The following RNF213 variants were observed in gnomAD, a reference collection of about 807,000 sequenced individuals.
RNF213 encodes E3 ubiquitin-protein ligase RNF213.
RNF213 carries 341 observed loss-of-function variants against 514.4 expected under a neutral mutation model. That is an observed-to-expected ratio of 0.66 (90% CI 0.61 to 0.73). RNF213 has a LOEUF of 0.73. Among genes scored for constraint, RNF213 ranks in the 30% least tolerant of loss-of-function variants. RNF213 has a pLI of 0.00. For synonymous variants in RNF213, 2,655 were observed against 2,658.2 expected (o/e 1.00, Z 0.04); for missense variants, 5,767 against 6,615.6 (o/e 0.87, Z 4.45).
At position 80,377,856 on chromosome 17, in the gene RNF213, G is replaced by A. The variant is rs991630753; in HGVS notation, c.13545+60G>A. On this transcript the variant is annotated intron_variant, in intron 54 of 67. Transcript: ENST00000582970. This position sits in a 1 kb window ranked among gnomAD's most constrained non-coding sequence, Gnocchi z 4.1. ...TGGCGTGCACTCCTGGGTTGGAGGA[G>A]GGGGATCGTGGGTCAGGAGAGTGAG... The A allele has an allele frequency of 8.2e-6, 13 of 1,577,632 alleles. No homozygotes were observed. In the Admixed American group the frequency reaches 8.3e-5, roughly 10 times the overall value.
chr17:80,383,160 T>C, intron 58 of RNF213, 90 bp downstream of exon 58: 2 of 901,178 alleles, frequency 2.2e-6, no homozygotes, highest in Non-Finnish European at 3.7e-6. Flanking sequence ...CTGTTGCCCC[T>C]CGTAGCGGTG....
intron 11 of RNF213, among the ~76,000 whole-genome samples, chr17:80,304,326 C>G (rs2045282219): frequency 6.6e-6 from 1 of 152,090 alleles, no homozygotes; most frequent in Admixed American, 6.6e-5. Flanking sequence ...GCTGTTTGAT[C>G]CTGGACACTC....
chr17:80,290,441 A>G (rs1467833303), intron 6 of RNF213, 129 bp from the exon 7 acceptor site: 34 of 1,093,250 alleles, frequency 3.1e-5, no homozygotes, highest in Middle Eastern at 2.9e-4. Context: ...GCGTGTGTGC[A>G]TGTGTGTGTG....
At chr17:80,297,428 C>G (rs112005182) in intron 10 of RNF213, among the ~76,000 whole-genome samples, 2 of 139,686 alleles carry the variant, frequency 1.4e-5, no homozygotes, top group East Asian at 4.4e-4. Flanking sequence ...CCAGCCTGGG[C>G]GACACAGTGA....
chr17:80,356,740 C>T (rs1302869768), intron 36 of RNF213, among the ~76,000 whole-genome samples: 8 of 152,240 alleles, frequency 5.3e-5, no homozygotes, highest in African/African-American at 9.6e-5. Flanking sequence ...TTTGTGTTCG[C>T]GACACTTTTC....
chr17:80,365,886 C>G (rs2079249993), intron 42 of RNF213, among the ~76,000 whole-genome samples: 1 of 152,216 alleles, frequency 6.6e-6, no homozygotes, highest in African/African-American at 2.4e-5. Context: ...GGAGCTGGCC[C>G]CTGCCTGCTC....
At chr17:80,339,096 G>T in intron 25 of RNF213, 105 bp from the exon 26 acceptor site, 1 of 943,532 alleles carries the variant, frequency 1.1e-6, no homozygotes, top group South Asian at 1.9e-5. Context: ...CAGTGGGCCT[G>T]TGGACAGGGC....
At chr17:80,279,979 C>A (rs983711054) in intron 3 of RNF213, among the ~76,000 whole-genome samples, 1 of 152,238 alleles carries the variant, frequency 6.6e-6, no homozygotes, top group Non-Finnish European at 1.5e-5. Flanking sequence ...GCGCTCCCCC[C>A]AGCCCCTGCC....
Position 80,290,731 on chromosome 17 carries a change from G to C in RNF213, c.1271+3G>C. Reference sequence around the variant, plus strand: ...ATCTGTGAGCTGCACTACACCAGGTGAGCGTGTCTGTAGGCTTGGGAGGAA... The same window carrying C: ...ATCTGTGAGCTGCACTACACCAGGTCAGCGTGTCTGTAGGCTTGGGAGGAA... On this transcript the variant is annotated splice_donor_region_variant and intron_variant, in intron 7 of 67. Coordinates refer to ENST00000582970, the MANE Select transcript of RNF213 (RefSeq NM_001256071.3). 6.2e-7 allele frequency: 1 copy of C among 1,614,178 alleles called. No individual in the cohort carries two copies. Among genetic ancestry groups the C allele is most frequent in the Non-Finnish European group, 8.5e-7 (1 of 1,180,002 alleles).
Position 80,380,981 on chromosome 17 carries a change from T to A in RNF213, c.13791T>A (p.Ser4597Arg), listed in dbSNP as rs1379722568. 6.2e-7 allele frequency: 1 copy of A among 1,614,002 alleles called. No homozygotes were observed. The highest frequency in any genetic ancestry group is 8.5e-7 in the Non-Finnish European group (1 of 1,180,002). The change falls in exon 56 of 68, where the codon AGT becomes AGA. Residue 4597 changes from serine to arginine, a missense_variant. By Grantham distance (110) the Ser-to-Arg change is moderately radical. Transcript: ENST00000582970. ...CTCTGCTTCTGGGAGCGTCCCAGAG[T>A]TCCCAGGTATAACCCAGTGCTGCCA... ...HLALLLGASQ[S>R]SQALINIIKP... is the part of the protein sequence containing the mutation.
intron 11 of RNF213, among the ~76,000 whole-genome samples, chr17:80,301,506 A>G (rs1339755229): frequency 1.3e-5 from 2 of 152,212 alleles, no homozygotes; most frequent in Non-Finnish European, 2.9e-5. Flanking sequence ...TAGTCATCTA[A>G]AAAGAAGACA....
chr17:80,262,329 T>A (rs548770533), intron 1 of RNF213, among the ~76,000 whole-genome samples: 1 of 152,292 alleles, frequency 6.6e-6, no homozygotes, highest in African/African-American at 2.4e-5. Flanking sequence ...AATTGTCCCA[T>A]ACACCTATTG....
chr17:80,384,237 C>A (rs2080139302), intron 59 of RNF213, among the ~76,000 whole-genome samples: 1 of 152,188 alleles, frequency 6.6e-6, no homozygotes, highest in African/African-American at 2.4e-5. Flanking sequence ...GGATGCAGCT[C>A]TTTCCCAGCC....
chr17:80,362,036 G>A, intron 39 of RNF213, 148 bp downstream of exon 39: 1 of 893,380 alleles, frequency 1.1e-6, no homozygotes, highest in Non-Finnish European at 1.8e-6. Flanking sequence ...GCCGGTGGGT[G>A]AAGGGGTCGC....
In RNF213 at chr17:80,261,081, C is replaced by A. The variant is rs577782533; in HGVS notation, c.-109+179C>A. On this transcript the variant is annotated intron_variant, in intron 1 of 67. Transcript: ENST00000582970. Reference sequence around the variant, plus strand: ...CGCCGGGGTGCCCGGTCCAGCCCCGCCCGCGGCGCCCACTGACCCTGTTCC... The same window carrying A: ...CGCCGGGGTGCCCGGTCCAGCCCCGACCGCGGCGCCCACTGACCCTGTTCC... Among the ~76,000 whole-genome samples, 101 of 152,114 alleles carry A rather than the reference C, an allele frequency of 6.6e-4. 2 individuals carry two copies. In the East Asian group the frequency reaches 0.018, roughly 27 times the overall value.
At position 80,393,806 on chromosome 17, in the gene RNF213, T is replaced by C. The variant is rs977451217; in HGVS notation, c.*308T>C. The C allele has an allele frequency of 1.1e-5, 4 of 371,740 alleles. No individual in the cohort carries two copies. Among genetic ancestry groups the C allele is most frequent in the Non-Finnish European group, 1.5e-5 (3 of 193,752 alleles). The allele number at this position is 371,740 out of a possible 1,614,324, so 23.0% of individuals were successfully genotyped here. On this transcript the variant is annotated 3_prime_UTR_variant, in exon 68 of 68. Coordinates refer to ENST00000582970, the MANE Select transcript of RNF213 (RefSeq NM_001256071.3). Reference sequence around the variant, plus strand: ...AACATTGTTTACATTCCAGGAGACTTGTAGCTCAGCCACACACGCAGTAAT... The same window carrying C: ...AACATTGTTTACATTCCAGGAGACTCGTAGCTCAGCCACACACGCAGTAAT...
rs1424527065 is a variant in RNF213 at position 80,347,449 on chromosome 17, G to C, written c.9114G>C (p.Glu3038Asp). 3 of 1,614,064 alleles carry C rather than the reference G, an allele frequency of 1.9e-6. No individual in the cohort carries two copies. In the South Asian group the frequency reaches 3.3e-5, roughly 18 times the overall value. The change falls in exon 29 of 68, where the codon GAG becomes GAC. Residue 3038 changes from glutamate (E) to aspartate (D), a missense_variant. Physicochemically the swap from Glu to Asp is conservative, Grantham distance 45 (BLOSUM62 2). Around this residue, in one of 13 missense-constraint regions of RNF213, gnomAD observed 919 missense variants for 1,121.0 expected, o/e 0.82. Transcript: ENST00000582970. The surrounding 1 kb of genome is among the most constrained non-coding windows in gnomAD (Gnocchi z 7.2). The stretch of plus-strand genomic sequence containing the variant: ...CGGGTGGAGAGCAGGAAGATGCTGA[G>C]TCCCGCTACTTACTCGTGCTGACCA... ...KVPGGEQEDA[E>D]SRYLLVLTKN...
At chr17:80,323,477 G>A (rs1199119375) in intron 17 of RNF213, among the ~76,000 whole-genome samples, 1 of 152,102 alleles carries the variant, frequency 6.6e-6, no homozygotes, top group Non-Finnish European at 1.5e-5. Flanking sequence ...AGATCAGTTT[G>A]GAGAGCATTG....
At position 80,368,112 on chromosome 17, in the gene RNF213, G is replaced by C; in HGVS notation, c.12124G>C (p.Glu4042Gln). 6.2e-7 allele frequency: 1 copy of C among 1,614,242 alleles called. No homozygotes were observed. The highest frequency in any genetic ancestry group is 8.5e-7 in the Non-Finnish European group (1 of 1,180,042). Residue 4042 changes from glutamate (E) to glutamine (Q), a missense_variant, in exon 44 of 68, where the codon GAA becomes CAA. By Grantham distance (29) the Glu-to-Gln change is conservative (BLOSUM62 2). Transcript: ENST00000582970. ...CTACTGTTTAACTGCCTTGCCAGAC[G>C]AATTCTCTCCAGCTGTTTCCCAAGC... ...CPYCLTALPD[E>Q]FSPAVSQAHR...
Sources: allele counts gnomAD v4.1 joint callset (sites outside exome capture counted in the v4.1 genomes callset), GRCh38; gene constraint gnomAD v4.1.1; regional missense constraint gnomAD v4.1.1; non-coding constraint Gnocchi (gnomAD v3.1); transcripts MANE v1.5; gene names NCBI Gene and HGNC (gene_info 2026-07-23, HGNC 2026-07-21).